The following RFC3 variants were observed in gnomAD, a reference collection of about 807,000 sequenced individuals.
RFC3 encodes the protein replication factor C subunit 3, also known as A1 38 kDa subunit.
Under a neutral mutation model 45.1 loss-of-function variants are expected in RFC3, and 41 were observed. That is an observed-to-expected ratio of 0.91 (90% CI 0.71 to 1.18). The LOEUF is 1.18. Ranked by LOEUF, RFC3 falls within the 50% of genes most tolerant of loss-of-function variation. The pLI, the probability that RFC3 is intolerant of heterozygous loss-of-function variation, is 0.00. For synonymous variants in RFC3, 149 were observed against 144.0 expected (o/e 1.03, Z -0.25); for missense variants, 423 against 428.1 (o/e 0.99, Z 0.10).
chr13:33,959,652 C>T (rs1214053347), intron 8 of RFC3, among the ~76,000 whole-genome samples: 1 of 152,252 alleles, frequency 6.6e-6, no homozygotes, highest in East Asian at 1.9e-4. Context: ...TTTTGGTCTC[C>T]ACCAGACAGT....
At chr13:33,957,253 C>T (rs759227451) in intron 8 of RFC3, among the ~76,000 whole-genome samples, 13 of 152,142 alleles carry the variant, frequency 8.5e-5, no homozygotes, top group Non-Finnish European at 1.3e-4. Flanking sequence ...AATTTATTTG[C>T]GTCAATTTTC....
chr13:33,820,589 C>T (rs1383640482), intron 1 of RFC3, among the ~76,000 whole-genome samples: 1 of 152,172 alleles, frequency 6.6e-6, no homozygotes, highest in African/African-American at 2.4e-5. Context: ...CGCATCCCCA[C>T]TCTCCTATGA....
intron 8 of RFC3, among the ~76,000 whole-genome samples, chr13:33,959,542 C>G (rs2083043116): frequency 6.6e-6 from 1 of 152,172 alleles, no homozygotes; most frequent in Non-Finnish European, 1.5e-5. Flanking sequence ...TCTCCTCACT[C>G]CCAGTGAGTC....
chr13:33,877,658 A>T (rs1455868482), intron 8 of RFC3, among the ~76,000 whole-genome samples: 1 of 150,714 alleles, frequency 6.6e-6, no homozygotes, highest in African/African-American at 2.4e-5. Context: ...TATATAATAA[A>T]CATTGTATTA....
chr13:33,821,133 T>C lies in RFC3; in HGVS notation c.89T>C (p.Val30Ala). ...AAATGCCTTGTTCTTTTTTTTCAGGTGCAGTGTGGTGACTTTCCTCATCTG... is the reference window on the plus strand; with the variant it reads ...AAATGCCTTGTTCTTTTTTTTCAGGCGCAGTGTGGTGACTTTCCTCATCTG... ...KEQAAQLRNL[V>A]QCGDFPHLLV... is the part of the protein sequence containing the mutation. Residue 30 changes from valine to alanine, a missense_variant and splice_region_variant, in exon 2 of 9, where the codon GTG (valine) becomes GCG (alanine). Transcript: ENST00000380071. 6.2e-7 allele frequency: 1 copy of C among 1,613,382 alleles called. No individual in the cohort carries two copies. Among genetic ancestry groups the C allele is most frequent in the Non-Finnish European group, 8.5e-7 (1 of 1,179,584 alleles).
At chr13:33,940,013 A>T (rs1041812703) in intron 8 of RFC3, among the ~76,000 whole-genome samples, 5 of 152,160 alleles carry the variant, frequency 3.3e-5, no homozygotes, top group African/African-American at 1.2e-4. Context: ...ATACTTTGAT[A>T]AAAAACTTTC....
At chr13:33,884,986 A>G (rs2082510803) in intron 8 of RFC3, among the ~76,000 whole-genome samples, 1 of 152,114 alleles carries the variant, frequency 6.6e-6, no homozygotes, top group African/African-American at 2.4e-5. Context: ...GTGAGAGCCA[A>G]CTCTTTTATT....
chr13:33,924,629 A>G (rs1022202783), intron 8 of RFC3, among the ~76,000 whole-genome samples: 5 of 149,376 alleles, frequency 3.3e-5, no homozygotes, highest in African/African-American at 1.2e-4. Context: ...TATACACACC[A>G]TCATTTATTG....
Position 33,880,917 on chromosome 13 carries a change from G to A in RFC3, c.879+45700G>A, listed in dbSNP as rs145363584. ...CTAAAAATACAAAAGTTAGCTGGAC[G>A]TGGTGGTGGGCGCCTGTAGTCCCAG... On this transcript the variant is annotated intron_variant, in intron 8 of 8. Coordinates refer to the RFC3 transcript ENST00000434425. Among the ~76,000 whole-genome samples, 33 of 152,206 alleles carry A rather than the reference G, an allele frequency of 2.2e-4. No individual in the cohort carries two copies. The East Asian group carries it at 6.2e-3, about 29-fold the overall frequency.
chr13:33,891,394 T>C (rs918867769), intron 8 of RFC3, among the ~76,000 whole-genome samples: 2 of 152,116 alleles, frequency 1.3e-5, no homozygotes, highest in Admixed American at 6.6e-5. Context: ...CTAAATGAAG[T>C]CACAAGTCAT....
chr13:33,951,191 A>G (rs1357242296), intron 8 of RFC3, among the ~76,000 whole-genome samples: 1 of 150,370 alleles, frequency 6.7e-6, no homozygotes, highest in African/African-American at 2.4e-5. Flanking sequence ...AAGAGGTCAC[A>G]TTTAAGTGCT....
chr13:33,841,555 A>G (rs1260142221), downstream of RFC3, among the ~76,000 whole-genome samples: 2 of 152,336 alleles, frequency 1.3e-5, no homozygotes, highest in East Asian at 3.9e-4. Flanking sequence ...ATAATACAGT[A>G]TATAAGACAT....
intron 8 of RFC3, among the ~76,000 whole-genome samples, chr13:33,870,213 G>C (rs190930555): frequency 6.6e-6 from 1 of 152,356 alleles, no homozygotes; most frequent in African/African-American, 2.4e-5. Context: ...GAAGGGCAAA[G>C]CATTGCCTGG....
intron 8 of RFC3, among the ~76,000 whole-genome samples, chr13:33,912,694 C>A (rs2082710301): frequency 1.3e-5 from 2 of 152,058 alleles, no homozygotes; most frequent in African/African-American, 4.8e-5. Context: ...AAAGTTAATT[C>A]TATGAACGCT....
At chr13:33,825,684 GAT>G (rs1182875394) in intron 3 of RFC3, 103 bp from the exon 4 acceptor site, 12 of 499,104 alleles carry the variant, frequency 2.4e-5, no homozygotes, top group Middle Eastern at 5.4e-4. Flanking sequence ...ATAGTTAAGT[GAT>G]ATTAATTTTG....
At chr13:33,888,688 GA>G (rs2082543280) in intron 8 of RFC3, among the ~76,000 whole-genome samples, 1 of 149,534 alleles carries the variant, frequency 6.7e-6, no homozygotes, top group Non-Finnish European at 1.5e-5. Flanking sequence ...TATGGATTTA[GA>G]AAAAAAGATC....
chr13:33,923,363 G>A (rs866034963), intron 8 of RFC3, among the ~76,000 whole-genome samples: 6 of 152,054 alleles, frequency 3.9e-5, no homozygotes, highest in African/African-American at 1.4e-4. Flanking sequence ...CCCAAAAAAT[G>A]CCAGGAATAG....
rs572298137 is a variant in RFC3, at chr13:33,939,103, G to C, written c.880-26984G>C. Among the ~76,000 whole-genome samples the C allele has an allele frequency of 9.7e-4, 148 of 152,166 alleles. 1 individual carries two copies. The highest frequency in any genetic ancestry group is 3.5e-3 in the African/African-American group (145 of 41,510). ...GCTAAGGTGTTTTGCCTATTTTTCT[G>C]TAGGGATTTTACCATTATAATATTA... is the stretch of plus-strand genomic sequence containing the variant. On this transcript the variant is annotated intron_variant, in intron 8 of 8. Coordinates refer to the RFC3 transcript ENST00000434425.
At chr13:33,912,696 A>G (rs1023426735) in intron 8 of RFC3, among the ~76,000 whole-genome samples, 4 of 152,124 alleles carry the variant, frequency 2.6e-5, no homozygotes, top group Non-Finnish European at 4.4e-5. Context: ...AGTTAATTCT[A>G]TGAACGCTGT....
Sources: allele counts gnomAD v4.1 joint callset (sites outside exome capture counted in the v4.1 genomes callset), GRCh38; gene constraint gnomAD v4.1.1; transcripts MANE v1.5; gene names NCBI Gene and HGNC (gene_info 2026-07-23, HGNC 2026-07-21).